The following ZNF503 variants were observed in gnomAD, a reference collection of about 807,000 sequenced individuals.
ZNF503 encodes the protein zinc finger protein 503.
In ZNF503, 15 loss-of-function variants were observed where a neutral mutation model predicts 34.4. That is an observed-to-expected ratio of 0.44 (90% confidence interval 0.29 to 0.67). The LOEUF is 0.67. Among genes scored for constraint, ZNF503 ranks in the 30% least tolerant of loss-of-function variants. The pLI, the probability that ZNF503 is intolerant of heterozygous loss-of-function variation, is 0.13. For missense variants in ZNF503, 1,007 were observed against 926.8 expected, an observed-to-expected ratio of 1.09 and a Z score of -1.12; for synonymous variants, 580 against 456.8, an observed-to-expected ratio of 1.27 and a Z score of -3.44.
chr10:75,295,197 G>A, the ZNF503 span, among the ~76,000 whole-genome samples: 13 of 151,704 alleles, frequency 8.6e-5, no homozygotes, highest in Admixed American at 5.2e-4. This position sits in a 1 kb window ranked among gnomAD's most constrained non-coding sequence, Gnocchi z 4.0. Flanking sequence ...GGCACGGCGC[G>A]GGGCGGGCCC....
At chr10:75,371,689 G>T in the ZNF503 span, among the ~76,000 whole-genome samples, 1 of 152,164 alleles carries the variant, frequency 6.6e-6, no homozygotes, top group African/African-American at 2.4e-5. Flanking sequence ...TGCACGTGGG[G>T]GTGAAGTCCA....
chr10:75,400,243 G>GCCGCCGGCA lies in ZNF503; in HGVS notation c.438_446dup (p.Ala147_Gly149dup). The GCCGCCGGCA allele has an allele frequency of 6.2e-7, 1 of 1,611,514 alleles. No homozygotes were observed. ...TGGTGTCCTTGTCGCCCGCAGCACC[G>GCCGCCGGCA]CCGCCGGCACCGCCCGCGCCGCCCC... On this transcript the variant is annotated inframe_insertion, in exon 2 of 2. Transcript: ENST00000372524.
the ZNF503 span, chr10:75,343,137 C>T: frequency 1.3e-5 from 2 of 152,204 alleles, no homozygotes; most frequent in Admixed American, 1.3e-4. Context: ...GTGTGTGTCT[C>T]CTGGGAGGAA....
chr10:75,310,954 C>T, the ZNF503 span, among the ~76,000 whole-genome samples: 6 of 152,178 alleles, frequency 3.9e-5, no homozygotes, highest in Admixed American at 3.9e-4. Context: ...TTCTCAAAAA[C>T]TAGGAAGATG....
At chr10:75,332,536 AG>A in the ZNF503 span, among the ~76,000 whole-genome samples, 1 of 142,028 alleles carries the variant, frequency 7.0e-6, no homozygotes, top group Non-Finnish European at 1.5e-5. Flanking sequence ...GGGATTTGGC[AG>A]GGTCATGGGA....
chr10:75,357,354 C>CAA, the ZNF503 span, among the ~76,000 whole-genome samples: 15 of 118,182 alleles, frequency 1.3e-4, no homozygotes, highest in African/African-American at 3.8e-4. Context: ...TCCATCTTTA[C>CAA]AAAAAAAAAA....
chr10:75,401,093 G>C lies in ZNF503; in HGVS notation c.315+12C>G. On this transcript the variant is annotated intron_variant, in intron 1 of 1. Transcript: ENST00000372524. Reference sequence around the variant, plus strand: ...TAGTGGTCCCAGTGCGATCCAGAGAGAGGGTCCTTACCTCGATGGGGCTGA... The same window carrying C: ...TAGTGGTCCCAGTGCGATCCAGAGACAGGGTCCTTACCTCGATGGGGCTGA... 2 of 1,613,856 alleles carry C rather than the reference G, an allele frequency of 1.2e-6. No individual in the cohort carries two copies. Among genetic ancestry groups the C allele is most frequent in the Non-Finnish European group, 1.7e-6 (2 of 1,179,972 alleles).
the ZNF503 span, among the ~76,000 whole-genome samples, chr10:75,329,329 T>C: frequency 6.6e-6 from 1 of 152,078 alleles, no homozygotes; most frequent in African/African-American, 2.4e-5. Flanking sequence ...TCAGGGTTTT[T>C]TTTTCTTTTT....
At chr10:75,352,464 G>A in the ZNF503 span, among the ~76,000 whole-genome samples, 2 of 152,208 alleles carry the variant, frequency 1.3e-5, no homozygotes, top group Non-Finnish European at 2.9e-5. Flanking sequence ...TCAATTCTCA[G>A]GAAGTTTCCA....
rs1392348001 is a variant in ZNF503 at position 75,401,270 on chromosome 10, G to A, written c.150C>T (p.Ala50=). Residue 50 remains alanine (A), a synonymous_variant, in exon 1 of 2, where the codon GCC becomes GCT. Transcript: ENST00000372524. ...CGTGCACAAAAGGCTTGGTGCTGCCGGCCGGGGACGAGCCTGGGCCGGGGC... is the reference window on the plus strand; with the variant it reads ...CGTGCACAAAAGGCTTGGTGCTGCCAGCCGGGGACGAGCCTGGGCCGGGGC... ...SSGPGPGSSP[A]GSTKPFVHAV... is the part of the protein sequence containing the mutation. 6.3e-7 allele frequency: 1 copy of A among 1,591,382 alleles called. No individual in the cohort carries two copies. The highest frequency in any genetic ancestry group is 2.3e-5 in the East Asian group (1 of 43,676).
the ZNF503 span, among the ~76,000 whole-genome samples, chr10:75,281,710 C>T: frequency 2.0e-5 from 3 of 152,120 alleles, no homozygotes; most frequent in African/African-American, 7.2e-5. Flanking sequence ...ATTGTCTGTC[C>T]AAAGAAGAGG....
the ZNF503 span, among the ~76,000 whole-genome samples, chr10:75,319,112 G>A: frequency 6.6e-6 from 1 of 152,010 alleles, no homozygotes; most frequent in Admixed American, 6.6e-5. Flanking sequence ...GGTGTGCACT[G>A]CCATGCCTGA....
At chr10:75,332,620 C>T in the ZNF503 span, among the ~76,000 whole-genome samples, 7 of 144,984 alleles carry the variant, frequency 4.8e-5, no homozygotes, top group East Asian at 2.0e-4. Flanking sequence ...GAGGACCCTG[C>T]GGCCTTCCGC....
the ZNF503 span, among the ~76,000 whole-genome samples, chr10:75,383,281 A>T: frequency 6.6e-6 from 1 of 152,206 alleles, no homozygotes; most frequent in East Asian, 1.9e-4. Flanking sequence ...GGGAAAAACC[A>T]GAATTTTCTG....
At chr10:75,326,711 T>C in the ZNF503 span, among the ~76,000 whole-genome samples, 1 of 152,138 alleles carries the variant, frequency 6.6e-6, no homozygotes, top group African/African-American at 2.4e-5. Flanking sequence ...GATTTTTTTT[T>C]CAGACAAAGT....
Position 75,401,099 on chromosome 10 carries a change from C to G in ZNF503, c.315+6G>C. The G allele has an allele frequency of 6.2e-7, 1 of 1,613,724 alleles. No homozygotes were observed. The highest frequency in any genetic ancestry group is 1.1e-5 in the South Asian group (1 of 91,056). On this transcript the variant is annotated splice_donor_region_variant and intron_variant, in intron 1 of 1. Coordinates refer to ENST00000372524, the MANE Select transcript of ZNF503 (RefSeq NM_032772.6). Reference sequence around the variant, plus strand: ...TCCCAGTGCGATCCAGAGAGAGGGTCCTTACCTCGATGGGGCTGACCGGCG... The same window carrying G: ...TCCCAGTGCGATCCAGAGAGAGGGTGCTTACCTCGATGGGGCTGACCGGCG...
At chr10:75,289,092 A>G in the ZNF503 span, among the ~76,000 whole-genome samples, 1 of 152,172 alleles carries the variant, frequency 6.6e-6, no homozygotes, top group Non-Finnish European at 1.5e-5. Context: ...CCATGAGTAC[A>G]ACTCCTGCAC....
At chr10:75,279,918 A>G in the ZNF503 span, 2 of 152,220 alleles carry the variant, frequency 1.3e-5, no homozygotes, top group African/African-American at 4.8e-5. Flanking sequence ...AAACCTATGC[A>G]TGAGAGTTCT....
At chr10:75,336,689 G>A in the ZNF503 span, among the ~76,000 whole-genome samples, 1 of 152,158 alleles carries the variant, frequency 6.6e-6, no homozygotes, top group African/African-American at 2.4e-5. Context: ...TCAAGATGTT[G>A]GCCAGGCTGG....
Sources: allele counts gnomAD v4.1 joint callset (sites outside exome capture counted in the v4.1 genomes callset), GRCh38; gene constraint gnomAD v4.1.1; non-coding constraint Gnocchi (gnomAD v3.1); transcripts MANE v1.5; gene names NCBI Gene and HGNC (gene_info 2026-07-23, HGNC 2026-07-21).